NRP2: variants seen among roughly 807,000 people sequenced by gnomAD.
The protein encoded by NRP2 is neuropilin 2, also known as neuropilin-2.
A neutral mutation model predicts 110.4 loss-of-function variants in NRP2; 52 were observed. The observed-to-expected ratio is 0.47, with a 90% CI of 0.38 to 0.59. The LOEUF (loss-of-function observed/expected upper bound fraction) is 0.59. NRP2 is among the 20% of genes least tolerant of loss of function. The pLI is 0.00. For missense variants in NRP2, 1,049 were observed against 1,203.0 expected (o/e 0.87, Z 1.89); for synonymous variants, 508 against 468.9 (o/e 1.08, Z -1.08).
intron 12 of NRP2, among the ~76,000 whole-genome samples, chr2:205,757,807 G>C (rs1045939577): frequency 2.0e-5 from 3 of 151,886 alleles, no homozygotes; most frequent in Admixed American, 2.0e-4. Context: ...AACTGGAAAA[G>C]AAAAGGATAG....
At chr2:205,711,651 G>T (rs1253427408) in intron 2 of NRP2, among the ~76,000 whole-genome samples, 1 of 152,306 alleles carries the variant, frequency 6.6e-6, no homozygotes, top group African/African-American at 2.4e-5. Context: ...GTTGGCAAAG[G>T]TTATGATGTC....
intron 10 of NRP2, among the ~76,000 whole-genome samples, chr2:205,749,496 G>A (rs2057602368): frequency 6.6e-6 from 1 of 152,124 alleles, no homozygotes; most frequent in South Asian, 2.1e-4. Flanking sequence ...TAAAGAATGT[G>A]GGTTTGTGTC....
chr2:205,752,593 A>G, intron 11 of NRP2: 1 of 526,778 alleles, frequency 1.9e-6, no homozygotes, highest in Non-Finnish European at 3.4e-6. Context: ...TGGTAGCCTC[A>G]TTCATAATTG....
intron 16 of NRP2, 149 bp from the exon 17 acceptor site, chr2:205,794,605 C>A: frequency 1.2e-6 from 1 of 805,560 alleles, no homozygotes; most frequent in Non-Finnish European, 2.1e-6. Flanking sequence ...AGGATGCGGC[C>A]AGGCTGGGCT....
intron 15 of NRP2, among the ~76,000 whole-genome samples, chr2:205,770,192 A>G (rs2057998792): frequency 1.3e-5 from 2 of 152,156 alleles, no homozygotes; most frequent in African/African-American, 4.8e-5. Flanking sequence ...TAAAAGGAAC[A>G]TCAATGTCTC....
chr2:205,792,583 G>A (rs1353060407), intron 16 of NRP2, among the ~76,000 whole-genome samples: 3 of 152,184 alleles, frequency 2.0e-5, no homozygotes, highest in African/African-American at 7.2e-5. Context: ...TGAAAGATCA[G>A]CTCCTCCATA....
At position 205,721,993 on chromosome 2, in the gene NRP2, C is replaced by T. The variant is rs897157701; in HGVS notation, c.434-485C>T. On this transcript the variant is annotated intron_variant, in intron 3 of 16. Coordinates refer to ENST00000357785, the MANE Select transcript of NRP2 (RefSeq NM_003872.3). ...TTCGTTGGCTGTGGTACAATAGGGG[C>T]TAGTGTTGAGGTCAGCAACAAATAA... Among the ~76,000 whole-genome samples the T allele has an allele frequency of 2.6e-5, 4 of 152,128 alleles. No individual in the cohort carries two copies. The East Asian group carries it at 7.7e-4, about 29-fold the overall frequency.
At chr2:205,683,731 T>C (rs967797785) in intron 1 of NRP2, among the ~76,000 whole-genome samples, 1 of 152,256 alleles carries the variant, frequency 6.6e-6, no homozygotes, top group Non-Finnish European at 1.5e-5. Context: ...TCCCTTGAGT[T>C]TCTCCAACTA....
chr2:205,749,611 G>A (rs576426521), intron 10 of NRP2, 114 bp from the exon 11 acceptor site: 82 of 834,474 alleles, frequency 9.8e-5, no homozygotes, highest in Middle Eastern at 2.2e-4. Flanking sequence ...TCAGAGTTCC[G>A]TGCACATGTG....
chr2:205,745,768 A>G lies in NRP2; in HGVS notation c.1664A>G (p.Tyr555Cys), dbSNP rs377387630. ...QPKLFEGNMH[Y>C]DTPDIRRFDP... ...CAGCTGTTCGAAGGGAACATGCACT[A>G]TGACACCCCTGACATCCGAAGGTTT... The change falls in exon 10 of 17, where the codon TAT becomes TGT. Residue 555 changes from tyrosine to cysteine, a missense_variant. Coordinates refer to ENST00000357785, the MANE Select transcript of NRP2 (RefSeq NM_003872.3). 3.7e-6 allele frequency: 6 copies of G among 1,614,098 alleles called. No individual in the cohort carries two copies. In the African/African-American group the frequency reaches 6.7e-5, roughly 18 times the overall value.
chr2:205,793,077 C>G (rs1458538284), intron 16 of NRP2, among the ~76,000 whole-genome samples: 1 of 152,184 alleles, frequency 6.6e-6, no homozygotes, highest in Non-Finnish European at 1.5e-5. Flanking sequence ...GTTATAGAAA[C>G]TGGAGTGACT....
At chr2:205,746,131 T>G (rs535355673) in intron 10 of NRP2, among the ~76,000 whole-genome samples, 1 of 152,240 alleles carries the variant, frequency 6.6e-6, no homozygotes, top group South Asian at 2.1e-4. Flanking sequence ...AACCCGAGTC[T>G]CTCAAAAACA....
chr2:205,766,894 C>A (rs13001214), intron 15 of NRP2, 91 bp downstream of exon 15: 24,874 of 1,180,030 alleles, frequency 0.021, 364 homozygotes, highest in Middle Eastern at 0.044. Flanking sequence ...AATCAACCTC[C>A]AAATTTGTCA....
intron 8 of NRP2, among the ~76,000 whole-genome samples, 158 bp downstream of exon 8, chr2:205,740,821 A>G (rs1418951034): frequency 6.6e-6 from 1 of 152,242 alleles, no homozygotes; most frequent in Non-Finnish European, 1.5e-5. Context: ...TCATTCATTC[A>G]TTCAGTATAC....
At chr2:205,765,666 G>T (rs780946897) in intron 14 of NRP2, 96 bp downstream of exon 14, 1 of 1,039,804 alleles carries the variant, frequency 9.6e-7, no homozygotes, top group South Asian at 1.3e-5. Context: ...CAATGCAGTC[G>T]TTACCCAGTG....
chr2:205,785,511 C>T (rs1324336041), intron 15 of NRP2, among the ~76,000 whole-genome samples: 1 of 152,206 alleles, frequency 6.6e-6, no homozygotes, highest in Non-Finnish European at 1.5e-5. Context: ...GAGCCAATTG[C>T]TTGTTCACAT....
chr2:205,776,918 C>G lies in NRP2; in HGVS notation c.2425+10115C>G, dbSNP rs2058109774. On this transcript the variant is annotated intron_variant, in intron 15 of 16. Transcript: ENST00000357785. ...GTCTGCCAGGAGACGTGAGGGGAAGCCTGGATCTGTGTGTATGTACATAGT... is the reference window on the plus strand; with the variant it reads ...GTCTGCCAGGAGACGTGAGGGGAAGGCTGGATCTGTGTGTATGTACATAGT... The G allele has an allele frequency of 3.4e-6, 4 of 1,193,054 alleles. No individual in the cohort carries two copies. The South Asian group carries it at 6.6e-5, about 20-fold the overall frequency. The allele number at this position is 1,193,054 out of a possible 1,614,324, so 73.9% of individuals were successfully genotyped here.
chr2:205,741,867 G>A (rs1315393379), intron 8 of NRP2, among the ~76,000 whole-genome samples: 1 of 152,196 alleles, frequency 6.6e-6, no homozygotes, highest in Non-Finnish European at 1.5e-5. Flanking sequence ...GCCAGGGACT[G>A]ATAAGGAAAC....
intron 11 of NRP2, 150 bp from the exon 12 acceptor site, chr2:205,752,685 G>A (rs2057667898): frequency 1.8e-5 from 15 of 818,174 alleles, no homozygotes; most frequent in Middle Eastern, 2.3e-4. Context: ...GCCAGCGATC[G>A]CCAAGATGAG....
Sources: gnomAD v4.1 joint callset for allele counts (sites outside exome capture counted in the v4.1 genomes callset) on GRCh38, gnomAD v4.1.1 for gene constraint, MANE v1.5 for transcripts, NCBI Gene and HGNC (gene_info 2026-07-23, HGNC 2026-07-21) for gene names.